XIST: variants seen among roughly 807,000 people sequenced by gnomAD.
XIST encodes the protein X inactive specific transcript (non-protein coding).
chrX:73,829,313 A>C (rs930547954), intron 4 of XIST: 1 of 455,577 alleles, frequency 2.2e-6, no homozygotes, highest in African/African-American at 2.4e-5. Flanking sequence ...TCAAATTAAT[A>C]AGCAATAGAA....
At chrX:73,846,683 G>T (rs1922781209) in exon 1 of XIST, 1 of 557,404 alleles carries the variant, frequency 1.8e-6, no homozygotes, top group Non-Finnish European at 3.2e-6. Context: ...GGGATGAGGG[G>T]AGCACTTTCC....
exon 6 of XIST, chrX:73,820,721 T>C (rs1011449252): frequency 2.2e-5 from 12 of 554,823 alleles, no homozygotes; most frequent in Non-Finnish European, 3.6e-5. Flanking sequence ...AATTGTGACA[T>C]CTAGATGGCT....
exon 6 of XIST, chrX:73,827,003 T>G: frequency 1.8e-6 from 1 of 558,976 alleles, no homozygotes; most frequent in Non-Finnish European, 3.2e-6. Context: ...TTTGTTGGTT[T>G]CAGGCCTGAG....
At chrX:73,849,024 G>A (rs1281159154) in exon 1 of XIST, 1 of 559,158 alleles carries the variant, frequency 1.8e-6, no homozygotes, top group Non-Finnish European at 3.2e-6. Flanking sequence ...ATGCAAAGAT[G>A]TTTGCAAAGG....
exon 1 of XIST, chrX:73,847,163 C>T: frequency 1.8e-6 from 1 of 559,051 alleles, no homozygotes; most frequent in Non-Finnish European, 3.2e-6. Context: ...TAAAAAAGTA[C>T]AGCAGCAAAT....
At chrX:73,846,367 C>T in exon 1 of XIST, 1 of 559,265 alleles carries the variant, frequency 1.8e-6, no homozygotes, top group Non-Finnish European at 3.2e-6. Context: ...GGAGTGGGCA[C>T]TCCCTGCTGG....
chrX:73,842,565 A>G (rs764486480), exon 1 of XIST: 1 of 558,935 alleles, frequency 1.8e-6, no homozygotes, highest in Non-Finnish European at 3.2e-6. Flanking sequence ...CACTGCACCA[A>G]CACACCAAAG....
exon 1 of XIST, chrX:73,848,794 T>C (rs369660298): frequency 9.0e-6 from 5 of 556,818 alleles, no homozygotes; most frequent in Admixed American, 8.9e-5. Flanking sequence ...TCAGCAGCAA[T>C]GGCAAAGAGG....
At chrX:73,845,286 C>T (rs375515334) in exon 1 of XIST, 23 of 549,546 alleles carry the variant, frequency 4.2e-5, no homozygotes, top group African/African-American at 1.9e-4. Context: ...AATATAATCA[C>T]ACACATAACA....
exon 1 of XIST, chrX:73,850,872 C>T (rs930226058): frequency 1.8e-6 from 1 of 541,569 alleles, no homozygotes. Context: ...CAGCACTGGA[C>T]AGGAGGGGAC....
At chrX:73,843,515 G>C (rs1389015674) in exon 1 of XIST, 1 of 558,533 alleles carries the variant, frequency 1.8e-6, no homozygotes, top group Non-Finnish European at 3.2e-6. Flanking sequence ...AAAGAAAAGG[G>C]TTCATTCATA....
chrX:73,820,782 C>T (rs1922091764), exon 6 of XIST: 2 of 555,695 alleles, frequency 3.6e-6, no homozygotes, highest in Non-Finnish European at 6.5e-6. Flanking sequence ...TTTCAATCTT[C>T]CAAACAGCAA....
exon 5 of XIST, chrX:73,829,113 T>G (rs1922326705): frequency 1.8e-6 from 1 of 558,956 alleles, no homozygotes; most frequent in Non-Finnish European, 3.2e-6. Context: ...CATGTTGATC[T>G]TCAGGTGGGA....
At chrX:73,840,617 G>C (rs186667934) in intron 1 of XIST, among the ~76,000 whole-genome samples, 69 of 111,453 alleles carry the variant, frequency 6.2e-4, no homozygotes, top group African/African-American at 2.2e-3. Flanking sequence ...TGGCAAAAAG[G>C]TTCCAAACTT....
exon 1 of XIST, chrX:73,843,474 G>A (rs752729056): frequency 9.0e-6 from 5 of 558,062 alleles, no homozygotes; most frequent in South Asian, 8.9e-5. Flanking sequence ...TCCTACACAG[G>A]TCCACAAATA....
chrX:73,849,854 G>T lies in XIST; in HGVS notation n.2870C>A, dbSNP rs552372858. The T allele has an allele frequency of 4.2e-3, 1,484 of 355,016 alleles. 14 individuals are homozygous for T. Among genetic ancestry groups the T allele is most frequent in the South Asian group, 0.03 (1,129 of 37,849 alleles). 29.3% of individuals were successfully genotyped at this position (355,016 alleles called of 1,213,427 possible). On this transcript the variant is annotated non_coding_transcript_exon_variant, in exon 1 of 6. Coordinates refer to ENST00000429829, the Ensembl canonical transcript of XIST. ...ACTGGGACTGGGGCTAGGGCTGGGGGGTTAGGGGACTGGGGCTGGGGCAGG... is the reference window on the plus strand; with the variant it reads ...ACTGGGACTGGGGCTAGGGCTGGGGTGTTAGGGGACTGGGGCTGGGGCAGG...
At chrX:73,846,657 C>T (rs780151604) in exon 1 of XIST, 1 of 559,208 alleles carries the variant, frequency 1.8e-6, no homozygotes, top group Non-Finnish European at 3.2e-6. Context: ...GCACTTCCTG[C>T]TGGAAGGGAA....
exon 1 of XIST, chrX:73,841,561 C>T (rs758582082): frequency 3.6e-6 from 2 of 556,915 alleles, no homozygotes; most frequent in East Asian, 3.3e-5. Context: ...TTCCATATTA[C>T]ATAATCCTGT....
chrX:73,847,799 T>C (rs1291888865), exon 1 of XIST: 2 of 558,672 alleles, frequency 3.6e-6, no homozygotes, highest in Non-Finnish European at 6.5e-6. Flanking sequence ...CTTTCTATAA[T>C]GTAAAAGGGG....
Sources: gnomAD v4.1 joint callset for allele counts (sites outside exome capture counted in the v4.1 genomes callset) on GRCh38, gnomAD v4.1.1 for gene constraint, MANE v1.5 for transcripts, NCBI Gene and HGNC (gene_info 2026-07-23, HGNC 2026-07-21) for gene names.